PEAK1: variants seen among roughly 807,000 people sequenced by gnomAD.
PEAK1 encodes the protein pseudopodium enriched atypical kinase 1.
PEAK1 carries 54 observed loss-of-function variants against 124.7 expected under a neutral mutation model. The ratio of observed to expected loss-of-function variants is 0.43; its 90% confidence interval spans 0.35 to 0.54. The LOEUF is 0.54. PEAK1 is among the 20% of genes least tolerant of loss of function. The pLI is 0.01. For synonymous variants in PEAK1, 719 were observed against 760.0 expected (o/e 0.95, Z 0.89); for missense variants, 2,046 against 2,134.5 (o/e 0.96, Z 0.82).
At chr15:77,284,454 A>T (rs1352391624) in intron 4 of PEAK1, among the ~76,000 whole-genome samples, 4 of 152,232 alleles carry the variant, frequency 2.6e-5, no homozygotes, top group Admixed American at 1.3e-4. Flanking sequence ...TGTAGAGCAC[A>T]TGAGTCAGTA....
intron 7 of PEAK1, 115 bp from the exon 8 acceptor site, chr15:77,158,811 A>C: frequency 1.0e-6 from 1 of 962,582 alleles, no homozygotes; most frequent in Non-Finnish European, 1.6e-6. Flanking sequence ...TAGTCACAAT[A>C]CACTTGTCTG....
At chr15:77,192,334 T>C (rs887354397) in intron 6 of PEAK1, among the ~76,000 whole-genome samples, 5 of 152,178 alleles carry the variant, frequency 3.3e-5, no homozygotes, top group African/African-American at 9.7e-5. Flanking sequence ...TGATGGACCA[T>C]GAAGGATGGG....
At chr15:77,395,932 T>C (rs2070845498) in intron 1 of PEAK1, among the ~76,000 whole-genome samples, 1 of 152,198 alleles carries the variant, frequency 6.6e-6, no homozygotes. Context: ...TACAACACTG[T>C]AATTGTGGTG....
At chr15:77,288,734 AG>A (rs1220823935) in intron 2 of PEAK1, among the ~76,000 whole-genome samples, 3 of 152,020 alleles carry the variant, frequency 2.0e-5, no homozygotes, top group African/African-American at 4.8e-5. Context: ...CGAAGTCAGG[AG>A]ATCAAGACCA....
rs1283497327 is a variant in PEAK1, at chr15:77,402,410, A to G, written c.-666+17596T>C. 9.1e-6 allele frequency: 9 copies of G among 985,344 alleles called. No individual in the cohort carries two copies. In the South Asian group the frequency reaches 1.4e-4, roughly 15 times the overall value. The allele number at this position is 985,344 out of a possible 1,614,324, so 61.0% of individuals were successfully genotyped here. Reference sequence around the variant, plus strand: ...AATTATTTCATTCAATCAACATATCACCCATTTATTTAGCCAAATGGTCTT... The same window carrying G: ...AATTATTTCATTCAATCAACATATCGCCCATTTATTTAGCCAAATGGTCTT... On this transcript the variant is annotated intron_variant, in intron 1 of 9. Coordinates refer to ENST00000682557, the MANE Select transcript of PEAK1 (RefSeq NM_001385026.1).
chr15:77,356,288 G>A (rs1250535557), intron 2 of PEAK1, among the ~76,000 whole-genome samples: 1 of 152,022 alleles, frequency 6.6e-6, no homozygotes, highest in Non-Finnish European at 1.5e-5. Context: ...ACTTTTAAAA[G>A]TTTTTCTTAA....
intron 7 of PEAK1, among the ~76,000 whole-genome samples, chr15:77,172,990 G>A (rs1051321227): frequency 6.6e-6 from 1 of 152,110 alleles, no homozygotes; most frequent in Non-Finnish European, 1.5e-5. Context: ...CTGAGCTCAG[G>A]TGATCCTCCT....
Position 77,133,570 on chromosome 15 carries a change from T to A in PEAK1, c.3512A>T (p.Asp1171Val), listed in dbSNP as rs2152741992. Residue 1171 changes from aspartate (D) to valine (V), a missense_variant, in exon 9 of 10, where the codon GAC (aspartate) becomes GTC (valine). Coordinates refer to ENST00000682557, the MANE Select transcript of PEAK1 (RefSeq NM_001385026.1). The surrounding 1 kb of genome is among the most constrained non-coding windows in gnomAD (Gnocchi z 4.2). ...ACTACTTTCCATGGATTTTTGGAGG[T>A]CCTTGGAGATTGGCTCTGTATTGGC... ...IRANTEPISK[D>V]LQKSMESSLC... 1.2e-6 allele frequency: 2 copies of A among 1,614,092 alleles called. No individual in the cohort carries two copies. The highest frequency in any genetic ancestry group is 1.3e-5 in the African/African-American group (1 of 75,006).
At chr15:77,102,603 A>G (rs186252210) in exon 7 of PEAK1, 2 of 152,344 alleles carry the variant, frequency 1.3e-5, no homozygotes, top group East Asian at 3.9e-4. Context: ...TATTTTCCAA[A>G]TAGCTAACCA....
chr15:77,409,337 C>T (rs989821319), intron 1 of PEAK1, among the ~76,000 whole-genome samples: 3 of 152,064 alleles, frequency 2.0e-5, no homozygotes, highest in African/African-American at 7.2e-5. Context: ...CAAATATGAG[C>T]TCATTAAAAA....
At chr15:77,117,016 A>C (rs1459203960) in intron 9 of PEAK1, among the ~76,000 whole-genome samples, 1 of 152,180 alleles carries the variant, frequency 6.6e-6, no homozygotes, top group Non-Finnish European at 1.5e-5. Flanking sequence ...GCAATATTTC[A>C]CATTTAAGTG....
intron 6 of PEAK1, among the ~76,000 whole-genome samples, chr15:77,245,433 T>C (rs2060537525): frequency 6.6e-6 from 1 of 152,114 alleles, no homozygotes; most frequent in South Asian, 2.1e-4. Flanking sequence ...TGGCCAGGCA[T>C]GGTGCCTGTA....
chr15:77,332,406 T>C, intron 2 of PEAK1: 1 of 304,836 alleles, frequency 3.3e-6, no homozygotes, highest in Non-Finnish European at 4.8e-6. Context: ...GAGATCATCC[T>C]GGCTAACACG....
chr15:77,159,487 C>A (rs1232082926), intron 7 of PEAK1, among the ~76,000 whole-genome samples: 1 of 152,166 alleles, frequency 6.6e-6, no homozygotes, highest in African/African-American at 2.4e-5. Context: ...AATTCTGTTG[C>A]TGGTGGAGAA....
chr15:77,417,514 A>G (rs902913817), intron 1 of PEAK1: 1 of 984,884 alleles, frequency 1.0e-6, no homozygotes, highest in Non-Finnish European at 1.2e-6. Flanking sequence ...AGCAAATGAC[A>G]GAATAACGCT....
At chr15:77,240,558 GTGCCGTGAGC>G (rs1275710762) in intron 6 of PEAK1, among the ~76,000 whole-genome samples, 1 of 151,032 alleles carries the variant, frequency 6.6e-6, no homozygotes, top group Non-Finnish European at 1.5e-5. Flanking sequence ...GAGGTTGAGG[GTGCCGTGAGC>G]CTGGGCAATA....
chr15:77,205,780 A>G (rs1451654427), intron 6 of PEAK1, among the ~76,000 whole-genome samples: 1 of 152,142 alleles, frequency 6.6e-6, no homozygotes, highest in Non-Finnish European at 1.5e-5. Context: ...ACTGCCTCCA[A>G]ATTTTAAGCT....
At chr15:77,250,222 C>CATAT (rs1264787765) in intron 6 of PEAK1, among the ~76,000 whole-genome samples, 4 of 103,906 alleles carry the variant, frequency 3.8e-5, no homozygotes, top group Non-Finnish European at 6.1e-5. Context: ...TATATATATA[C>CATAT]ACATATATAT....
At chr15:77,238,345 C>A (rs1302522751) in intron 6 of PEAK1, among the ~76,000 whole-genome samples, 3 of 152,054 alleles carry the variant, frequency 2.0e-5, no homozygotes, top group Admixed American at 2.0e-4. Flanking sequence ...TCTCAACTCG[C>A]CTTTTTTTTC....
Sources: allele counts gnomAD v4.1 joint callset (sites outside exome capture counted in the v4.1 genomes callset), GRCh38; gene constraint gnomAD v4.1.1; non-coding constraint Gnocchi (gnomAD v3.1); transcripts MANE v1.5; gene names NCBI Gene and HGNC (gene_info 2026-07-23, HGNC 2026-07-21).